ITPR2: variants seen among roughly 807,000 people sequenced by gnomAD.
ITPR2 encodes the protein inositol 1,4,5-trisphosphate receptor type 2.
In ITPR2, 207 loss-of-function variants were observed where a neutral mutation model predicts 317.1. The observed-to-expected ratio is 0.65, with a 90% CI of 0.58 to 0.73. The LOEUF (loss-of-function observed/expected upper bound fraction) is 0.73. ITPR2 is among the 30% of genes least tolerant of loss of function. ITPR2 has a pLI of 0.00. For synonymous variants in ITPR2, 1,156 were observed against 1,149.1 expected, an observed-to-expected ratio of 1.01 and a Z score of -0.12; for missense variants, 2,613 against 3,284.0, an observed-to-expected ratio of 0.80 and a Z score of 4.99.
Position 26,556,269 on chromosome 12 carries a change from C to A in ITPR2, c.4928G>T (p.Ser1643Ile). The change falls in exon 36 of 57, where the codon AGC (serine) becomes ATC (isoleucine). Residue 1643 changes from serine to isoleucine, a missense_variant. Transcript: ENST00000381340. ...YSPELLFPEG[S>I]DARIRCGAFM... ...AGCGCCACATCTTATTCTTGCATCG[C>A]TTCCCTCAGGGAACAGCAGTTCTGG... 2 of 1,613,904 alleles carry A rather than the reference C, an allele frequency of 1.2e-6. No individual in the cohort carries two copies. The highest frequency in any genetic ancestry group is 1.7e-6 in the Non-Finnish European group (2 of 1,179,902).
At chr12:26,504,509 C>A (rs911540124) in intron 37 of ITPR2, among the ~76,000 whole-genome samples, 5 of 152,092 alleles carry the variant, frequency 3.3e-5, no homozygotes, top group Admixed American at 2.6e-4. Context: ...AAAATGCTCA[C>A]CTTCATTGGT....
In ITPR2 at chr12:26,360,956, G is replaced by A. The variant is rs533535636; in HGVS notation, c.7858-20628C>T. Reference sequence around the variant, plus strand: ...CAGCCAGGCGCCATGGCTCACGCCTGTAATCCCAAAACTTTGGGACGCCGA... The same window carrying A: ...CAGCCAGGCGCCATGGCTCACGCCTATAATCCCAAAACTTTGGGACGCCGA... On this transcript the variant is annotated intron_variant, in intron 55 of 56. Transcript: ENST00000381340. Among the ~76,000 whole-genome samples the A allele has an allele frequency of 2.0e-5, 3 of 152,158 alleles. No homozygotes were observed. In the South Asian group the frequency reaches 6.2e-4, roughly 32 times the overall value.
In ITPR2 at chr12:26,561,904, T is replaced by C. The variant is rs1944831514; in HGVS notation, c.4679A>G (p.Asn1560Ser). ...AIPVDLDSQVNTLFMKSHSNM... is the reference protein window; with the variant it reads ...AIPVDLDSQVSTLFMKSHSNM... ...TGAATGGCTCTTCATGAAAAGAGTA[T>C]TAACTTGGCTGTCCAAATCCACTGG... The change falls in exon 35 of 57, where the codon AAT (asparagine) becomes AGT (serine). Residue 1560 changes from asparagine to serine, a missense_variant. By Grantham distance (46) the Asn-to-Ser change is conservative. This residue lies in a region of ITPR2 where 926 missense variants were observed against 1,072.8 expected (regional missense o/e 0.86). Coordinates refer to ENST00000381340, the MANE Select transcript of ITPR2 (RefSeq NM_002223.4). The C allele has an allele frequency of 1.3e-6, 2 of 1,561,562 alleles. No homozygotes were observed. Among genetic ancestry groups the C allele is most frequent in the Admixed American group, 2.2e-5 (1 of 46,008 alleles).
chr12:26,732,990 A>G (rs527573030), intron 2 of ITPR2, among the ~76,000 whole-genome samples: 1 of 152,284 alleles, frequency 6.6e-6, no homozygotes, highest in East Asian at 1.9e-4. Context: ...TAAAGACTGA[A>G]TTGTTAAAGC....
intron 11 of ITPR2, among the ~76,000 whole-genome samples, chr12:26,684,505 A>T (rs1280995264): frequency 1.3e-5 from 2 of 152,236 alleles, no homozygotes; most frequent in Non-Finnish European, 2.9e-5. Flanking sequence ...AATATTTATT[A>T]AGAACTTGAC....
intron 1 of ITPR2, among the ~76,000 whole-genome samples, chr12:26,791,143 A>G (rs1439724137): frequency 6.6e-6 from 1 of 152,220 alleles, no homozygotes; most frequent in Non-Finnish European, 1.5e-5. Context: ...AATTTGTAGG[A>G]CAATTTCAAG....
intron 26 of ITPR2, among the ~76,000 whole-genome samples, chr12:26,613,599 G>C (rs1365439560): frequency 6.6e-6 from 1 of 151,164 alleles, no homozygotes; most frequent in East Asian, 1.9e-4. Context: ...CGGCAAAAAG[G>C]AAACAAAATC....
intron 42 of ITPR2, among the ~76,000 whole-genome samples, chr12:26,482,339 T>C (rs1423313204): frequency 1.3e-5 from 2 of 152,232 alleles, no homozygotes; most frequent in Non-Finnish European, 2.9e-5. Flanking sequence ...TTCATGTTAT[T>C]TGAAAATTAG....
rs774878764 is a variant in ITPR2 at position 26,595,602 on chromosome 12, TC to T, written c.4255-13del. On this transcript the variant is annotated splice_polypyrimidine_tract_variant and intron_variant, in intron 31 of 56. Transcript: ENST00000381340. ...TAAGCAATTTTAACCTGTGCAAGTT[TC>T]AAATACAAAAGAAAGTTAGTTTTCT... is the stretch of plus-strand genomic sequence containing the variant. The T allele has an allele frequency of 3.3e-6, 5 of 1,536,018 alleles. No individual in the cohort carries two copies. The highest frequency in any genetic ancestry group is 4.3e-6 in the Non-Finnish European group (5 of 1,150,264).
At chr12:26,426,090 G>A (rs905764718) in intron 49 of ITPR2, among the ~76,000 whole-genome samples, 5 of 152,066 alleles carry the variant, frequency 3.3e-5, no homozygotes, top group South Asian at 2.1e-4. Context: ...TTCCTTTATC[G>A]TCTTGGTATT....
At chr12:26,735,248 T>C (rs530255199) in intron 2 of ITPR2, among the ~76,000 whole-genome samples, 2 of 152,284 alleles carry the variant, frequency 1.3e-5, no homozygotes, top group African/African-American at 4.8e-5. Flanking sequence ...GTTATCTGCC[T>C]GCCTTGGCCT....
chr12:26,567,978 TTATATA>T (rs1207413714), intron 34 of ITPR2, among the ~76,000 whole-genome samples: 5 of 27,172 alleles, frequency 1.8e-4, no homozygotes, highest in African/African-American at 3.8e-4. Context: ...ATTATATATA[TTATATA>T]TATATATATA....
chr12:26,370,247 T>C (rs1270003973), intron 55 of ITPR2, among the ~76,000 whole-genome samples: 2 of 152,174 alleles, frequency 1.3e-5, no homozygotes, highest in African/African-American at 4.8e-5. Flanking sequence ...AGTTGGCGTA[T>C]GAAGTAAGGG....
rs965821605 is a variant in ITPR2, at chr12:26,427,900, G to C, written c.6945+13C>G. The C allele has an allele frequency of 1.3e-6, 2 of 1,519,528 alleles. No homozygotes were observed. Among genetic ancestry groups the C allele is most frequent in the African/African-American group, 2.8e-5 (2 of 71,262 alleles). The allele number at this position is 1,519,528 out of a possible 1,614,324, so 94.1% of individuals were successfully genotyped here. A position where few individuals can be genotyped will look rare whatever the true frequency, so the allele number is the denominator to read the frequency against. The stretch of plus-strand genomic sequence containing the variant: ...TAATTCTGTAACAGTACAAAGCTAA[G>C]TAAAGTACTTACATTAGCTGCACCA... On this transcript the variant is annotated intron_variant, in intron 49 of 56. Coordinates refer to ENST00000381340, the MANE Select transcript of ITPR2 (RefSeq NM_002223.4).
intron 11 of ITPR2, among the ~76,000 whole-genome samples, 186 bp from the exon 12 acceptor site, chr12:26,682,859 C>T (rs1281207555): frequency 6.6e-6 from 1 of 152,088 alleles, no homozygotes; most frequent in African/African-American, 2.4e-5. Context: ...GCATTTTTAC[C>T]TAGGTAGTAG....
chr12:26,388,522 T>C (rs1939734164), intron 54 of ITPR2, among the ~76,000 whole-genome samples: 1 of 152,108 alleles, frequency 6.6e-6, no homozygotes, highest in African/African-American at 2.4e-5. Flanking sequence ...TGGAGTGCAG[T>C]GGCTCAATGC....
At chr12:26,471,604 G>C (rs1201396976) in intron 45 of ITPR2, among the ~76,000 whole-genome samples, 1 of 152,068 alleles carries the variant, frequency 6.6e-6, no homozygotes, top group East Asian at 1.9e-4. Flanking sequence ...CCACAGGAAA[G>C]GCCAAAAGAG....
At position 26,339,147 on chromosome 12, in the gene ITPR2, G is replaced by C. The variant is rs146725518; in HGVS notation, c.*250C>G. ...CTGCCCTCTCCAGCCTTTTGGGCAA[G>C]CCTTTTCTTCCTGATGCATTGCGAA... On this transcript the variant is annotated 3_prime_UTR_variant, in exon 57 of 57. Coordinates refer to ENST00000381340, the MANE Select transcript of ITPR2 (RefSeq NM_002223.4). 2,063 of 407,474 alleles carry C rather than the reference G, an allele frequency of 5.1e-3. 13 individuals carry two copies. The highest frequency in any genetic ancestry group is 7.2e-3 in the Non-Finnish European group (1,634 of 225,554). 25.2% of individuals were successfully genotyped at this position (407,474 alleles called of 1,614,324 possible).
intron 55 of ITPR2, among the ~76,000 whole-genome samples, chr12:26,376,327 T>A (rs970977756): frequency 6.6e-6 from 1 of 152,178 alleles, no homozygotes; most frequent in African/African-American, 2.4e-5. Flanking sequence ...TCACATCTCC[T>A]CAACTTATTC....
Sources: allele counts gnomAD v4.1 joint callset (sites outside exome capture counted in the v4.1 genomes callset), GRCh38; gene constraint gnomAD v4.1.1; regional missense constraint gnomAD v4.1.1; transcripts MANE v1.5; gene names NCBI Gene and HGNC (gene_info 2026-07-23, HGNC 2026-07-21).